Variants in KLF12 observed in about 807,000 individuals in gnomAD.
KLF12 encodes the protein Krueppel-like factor 12.
A neutral mutation model predicts 37.8 loss-of-function variants in KLF12; 9 were observed. That is an observed-to-expected ratio of 0.24 (90% confidence interval 0.14 to 0.42). KLF12 has a LOEUF of 0.42. KLF12 is among the 10% of genes least tolerant of loss of function. The pLI is 1.00. For missense variants in KLF12, 411 were observed against 516.0 expected (o/e 0.80, Z 1.97); for synonymous variants, 208 against 202.1 (o/e 1.03, Z -0.25).
intron 5 of KLF12, among the ~76,000 whole-genome samples, chr13:73,797,598 C>T (rs952310678): frequency 2.7e-4 from 41 of 151,998 alleles, no homozygotes; most frequent in African/African-American, 9.4e-4. Context: ...AGCAAAACCC[C>T]ATTTCTACAA....
chr13:73,951,524 G>A (rs1890647340), intron 2 of KLF12, among the ~76,000 whole-genome samples: 1 of 152,164 alleles, frequency 6.6e-6, no homozygotes, highest in Non-Finnish European at 1.5e-5. Flanking sequence ...CTACAAAGCT[G>A]TGTAAGCCTA....
chr13:73,915,959 C>T (rs1056869835), intron 3 of KLF12, among the ~76,000 whole-genome samples: 11 of 152,126 alleles, frequency 7.2e-5, no homozygotes, highest in Middle Eastern at 6.8e-3. Flanking sequence ...GAGAAGGAAA[C>T]TTGAGAAATC....
intron 7 of KLF12, among the ~76,000 whole-genome samples, chr13:73,712,627 C>T (rs958088625): frequency 9.2e-5 from 14 of 152,184 alleles, no homozygotes; most frequent in African/African-American, 2.9e-4. Flanking sequence ...AACAGCACCA[C>T]AGGCTACAGG....
intron 2 of KLF12, among the ~76,000 whole-genome samples, chr13:73,947,427 G>C (rs1047422378): frequency 6.6e-6 from 1 of 152,100 alleles, no homozygotes; most frequent in Non-Finnish European, 1.5e-5. Context: ...GAGGTGGGCA[G>C]GTAACTTGAG....
chr13:73,919,683 G>C (rs1212761492), intron 3 of KLF12, among the ~76,000 whole-genome samples: 1 of 152,022 alleles, frequency 6.6e-6, no homozygotes, highest in Non-Finnish European at 1.5e-5. Flanking sequence ...CCATATTGTT[G>C]TGAATCAATC....
In KLF12 at chr13:73,711,443, C is replaced by A. The variant is rs150347031; in HGVS notation, c.1027+3925G>T. ...TGTTAGGGACTAATGGAGACAGTAA[C>A]CTTCAGCTGAAGCCAAGGCTCATAT... On this transcript the variant is annotated intron_variant, in intron 7 of 7. Transcript: ENST00000377669. Among the ~76,000 whole-genome samples the A allele has an allele frequency of 2.3e-3, 348 of 152,328 alleles. 4 individuals carry two copies. Among genetic ancestry groups the A allele is most frequent in the African/African-American group, 8.2e-3 (339 of 41,568 alleles).
chr13:74,072,789 C>T (rs1190771357), intron 1 of KLF12, among the ~76,000 whole-genome samples: 6 of 152,152 alleles, frequency 3.9e-5, no homozygotes, highest in Non-Finnish European at 8.8e-5. Flanking sequence ...TTTTGAAACT[C>T]TCCTTTCTTA....
chr13:74,172,710 G>A, the KLF12 span, among the ~76,000 whole-genome samples: 2 of 152,132 alleles, frequency 1.3e-5, no homozygotes, highest in African/African-American at 2.4e-5. Flanking sequence ...AATGCATCAC[G>A]TGCCTTTCCC....
chr13:74,029,993 A>G (rs1893073090), intron 1 of KLF12, among the ~76,000 whole-genome samples: 1 of 152,100 alleles, frequency 6.6e-6, no homozygotes, highest in South Asian at 2.1e-4. Context: ...GTATTTTCTT[A>G]TAAGTATATG....
intron 1 of KLF12, among the ~76,000 whole-genome samples, chr13:74,106,973 A>G (rs1183146551): frequency 1.3e-5 from 2 of 152,174 alleles, no homozygotes; most frequent in African/African-American, 4.8e-5. Context: ...TAGACTGGTT[A>G]ATCTATAAAC....
intron 7 of KLF12, among the ~76,000 whole-genome samples, chr13:73,699,102 T>C (rs1874352350): frequency 6.6e-6 from 1 of 152,078 alleles, no homozygotes; most frequent in African/African-American, 2.4e-5. Flanking sequence ...CTCAGGCTTA[T>C]AATCCCAGCT....
chr13:73,696,306 A>G (rs192731467), intron 7 of KLF12, among the ~76,000 whole-genome samples: 295 of 152,324 alleles, frequency 1.9e-3, no homozygotes, highest in Non-Finnish European at 1.9e-3. Flanking sequence ...GGACTTAAGA[A>G]TCAGGGTAAG....
chr13:74,020,420 C>T (rs1367149503), intron 1 of KLF12, among the ~76,000 whole-genome samples: 1 of 152,080 alleles, frequency 6.6e-6, no homozygotes, highest in Non-Finnish European at 1.5e-5. Context: ...AAGGTCTTAG[C>T]ACGAATAGGA....
chr13:74,204,416 G>A, the KLF12 span, among the ~76,000 whole-genome samples: 2 of 152,068 alleles, frequency 1.3e-5, no homozygotes, highest in African/African-American at 4.8e-5. Flanking sequence ...TAGACTCATT[G>A]TTTACAATTA....
At chr13:74,300,689 A>T in the KLF12 span, among the ~76,000 whole-genome samples, 1 of 152,138 alleles carries the variant, frequency 6.6e-6, no homozygotes, top group Admixed American at 6.6e-5. Context: ...TCATCCTTGC[A>T]GTTTGAGATT....
chr13:74,057,808 G>A (rs1167839385), intron 1 of KLF12, among the ~76,000 whole-genome samples: 1 of 152,084 alleles, frequency 6.6e-6, no homozygotes, highest in Non-Finnish European at 1.5e-5. Flanking sequence ...TAAGGGAATG[G>A]TAACATTCAA....
intron 3 of KLF12, among the ~76,000 whole-genome samples, chr13:73,890,752 T>C (rs1199792056): frequency 1.3e-5 from 2 of 151,776 alleles, no homozygotes; most frequent in African/African-American, 4.8e-5. Context: ...TCAATCTGAG[T>C]CTGGGTAATA....
the KLF12 span, among the ~76,000 whole-genome samples, chr13:74,272,029 G>A: frequency 6.6e-6 from 1 of 152,158 alleles, no homozygotes; most frequent in Non-Finnish European, 1.5e-5. Context: ...TAGCTGCAAG[G>A]GAGTCTGATA....
At chr13:74,169,233 A>G in the KLF12 span, among the ~76,000 whole-genome samples, 2 of 152,368 alleles carry the variant, frequency 1.3e-5, no homozygotes, top group East Asian at 1.9e-4. Flanking sequence ...TATGCAATTT[A>G]TGATGTTATT....
Sources: gnomAD v4.1 joint callset for allele counts (sites outside exome capture counted in the v4.1 genomes callset) on GRCh38, gnomAD v4.1.1 for gene constraint, MANE v1.5 for transcripts, NCBI Gene and HGNC (gene_info 2026-07-23, HGNC 2026-07-21) for gene names.